The following LCLAT1 variants were observed in gnomAD, a reference collection of about 807,000 sequenced individuals.
LCLAT1 encodes the protein lysocardiolipin acyltransferase 1.
A neutral mutation model predicts 30.7 loss-of-function variants in LCLAT1; 11 were observed. That is an observed-to-expected ratio of 0.36 (90% CI 0.23 to 0.59). LCLAT1 has a LOEUF of 0.59. Ranked by LOEUF, LCLAT1 falls within the 20% of genes least tolerant of loss-of-function variation. The pLI is 0.77. For synonymous variants in LCLAT1, 155 were observed against 151.3 expected, an observed-to-expected ratio of 1.02 and a Z score of -0.18; for missense variants, 402 against 458.6, an observed-to-expected ratio of 0.88 and a Z score of 1.13.
chr2:30,451,077 T>C (rs1382365746), intron 1 of LCLAT1, among the ~76,000 whole-genome samples: 2 of 152,238 alleles, frequency 1.3e-5, no homozygotes, highest in Non-Finnish European at 2.9e-5. Flanking sequence ...GCACTGTCTA[T>C]TAGAGGGTCT....
chr2:30,517,373 C>T (rs757447334), intron 1 of LCLAT1, among the ~76,000 whole-genome samples: 20 of 152,272 alleles, frequency 1.3e-4, no homozygotes, highest in Middle Eastern at 6.8e-3. Flanking sequence ...AGGTGGGACC[C>T]GTTCCTCACC....
chr2:30,457,812 C>T lies in LCLAT1; in HGVS notation c.-5+10429C>T, dbSNP rs144884634. Among the ~76,000 whole-genome samples the T allele has an allele frequency of 2.6e-3, 396 of 152,184 alleles. 3 individuals are homozygous for T. The highest frequency in any genetic ancestry group is 8.0e-3 in the African/African-American group (333 of 41,512). On this transcript the variant is annotated intron_variant, in intron 1 of 5. Transcript: ENST00000379509. ...TGAGTTTGAATCCCATTTACTGTTGCGATTTGGGTCACGGAATTTTATTTT... is the reference window on the plus strand; with the variant it reads ...TGAGTTTGAATCCCATTTACTGTTGTGATTTGGGTCACGGAATTTTATTTT...
chr2:30,575,578 T>A (rs1343580327), intron 5 of LCLAT1, among the ~76,000 whole-genome samples: 1 of 152,160 alleles, frequency 6.6e-6, no homozygotes, highest in Non-Finnish European at 1.5e-5. Context: ...CTGAGGCAGA[T>A]GCACAGCAGG....
At chr2:30,518,094 C>T (rs1040547520) in intron 1 of LCLAT1, among the ~76,000 whole-genome samples, 6 of 152,192 alleles carry the variant, frequency 3.9e-5, no homozygotes, top group Admixed American at 6.5e-5. Context: ...GCATACCTCA[C>T]CAGTTCAGAA....
chr2:30,578,008 C>T (rs1223407664), intron 5 of LCLAT1, among the ~76,000 whole-genome samples: 1 of 151,948 alleles, frequency 6.6e-6, no homozygotes, highest in Non-Finnish European at 1.5e-5. Context: ...AACACTTTGC[C>T]TTTTTGAAAG....
At chr2:30,586,211 C>T (rs2148472377) in intron 5 of LCLAT1, among the ~76,000 whole-genome samples, 1 of 138,686 alleles carries the variant, frequency 7.2e-6, no homozygotes, top group South Asian at 2.3e-4. Context: ...CACTGCACTC[C>T]AGCCTGGGTG....
chr2:30,448,408 C>T (rs1286230016), intron 1 of LCLAT1, among the ~76,000 whole-genome samples: 5 of 152,134 alleles, frequency 3.3e-5, no homozygotes, highest in African/African-American at 4.8e-5. Context: ...GTTTAGGTTT[C>T]TGTTGCACAT....
At chr2:30,638,524 T>C (rs189304799) in intron 5 of LCLAT1, among the ~76,000 whole-genome samples, 1 of 152,318 alleles carries the variant, frequency 6.6e-6, no homozygotes, top group Non-Finnish European at 1.5e-5. Flanking sequence ...ATCAAAGTCC[T>C]CATCAAAAGT....
intron 3 of LCLAT1, among the ~76,000 whole-genome samples, chr2:30,556,021 C>T (rs1004740209): frequency 9.2e-5 from 14 of 151,864 alleles, no homozygotes; most frequent in Admixed American, 6.6e-5. Flanking sequence ...GTCTCAATCT[C>T]CTGACCTTGT....
chr2:30,575,707 C>A (rs1334647291), intron 5 of LCLAT1, among the ~76,000 whole-genome samples: 1 of 152,054 alleles, frequency 6.6e-6, no homozygotes, highest in Admixed American at 6.6e-5. Flanking sequence ...TTATTGGTAA[C>A]TTAAATGAAT....
intron 5 of LCLAT1, among the ~76,000 whole-genome samples, chr2:30,604,162 T>A (rs1359627879): frequency 6.6e-6 from 1 of 152,144 alleles, no homozygotes; most frequent in Non-Finnish European, 1.5e-5. Flanking sequence ...GTAATGAGTG[T>A]CATTTTGGGG....
At position 30,597,608 on chromosome 2, in the gene LCLAT1, C is replaced by T. The variant is rs147349119; in HGVS notation, c.628+29432C>T. Among the ~76,000 whole-genome samples, 1,061 of 152,268 alleles carry T rather than the reference C, an allele frequency of 7.0e-3. 11 individuals are homozygous for T. Among genetic ancestry groups the T allele is most frequent in the African/African-American group, 0.024 (1,007 of 41,552 alleles). On this transcript the variant is annotated intron_variant, in intron 5 of 5. Transcript: ENST00000379509. ...CTGCAAACAAAGACAATTTGGCTTC[C>T]TCTCTTCCTATGTAGATACCCTTTG... is the stretch of plus-strand genomic sequence containing the variant.
intron 1 of LCLAT1, among the ~76,000 whole-genome samples, chr2:30,494,662 G>T (rs1684012271): frequency 6.6e-6 from 1 of 151,290 alleles, no homozygotes; most frequent in Non-Finnish European, 1.5e-5. Flanking sequence ...CCTATAGTAG[G>T]CATTCTTTTA....
intron 3 of LCLAT1, among the ~76,000 whole-genome samples, chr2:30,553,883 C>G (rs1262152099): frequency 6.6e-6 from 1 of 151,546 alleles, no homozygotes; most frequent in Non-Finnish European, 1.5e-5. Flanking sequence ...CTATCATTAG[C>G]TCATAGAAAT....
chr2:30,531,169 G>A (rs1336103975), intron 2 of LCLAT1, among the ~76,000 whole-genome samples: 3 of 152,118 alleles, frequency 2.0e-5, no homozygotes, highest in African/African-American at 7.2e-5. Context: ...GGAGGCTGAG[G>A]CAGGAGAATC....
At chr2:30,530,668 C>T (rs976293455) in intron 2 of LCLAT1, among the ~76,000 whole-genome samples, 46 of 152,248 alleles carry the variant, frequency 3.0e-4, no homozygotes, top group African/African-American at 1.1e-3. Context: ...GCCTCAGCCT[C>T]CTGCGTAGCT....
chr2:30,605,503 G>A (rs1470243654), intron 5 of LCLAT1, among the ~76,000 whole-genome samples: 2 of 152,164 alleles, frequency 1.3e-5, no homozygotes, highest in Admixed American at 1.3e-4. Context: ...CTTTCTCTTT[G>A]TATTGCTGTT....
At chr2:30,482,291 GA>G (rs1396153840) in intron 1 of LCLAT1, among the ~76,000 whole-genome samples, 1 of 152,050 alleles carries the variant, frequency 6.6e-6, no homozygotes, top group African/African-American at 2.4e-5. Context: ...GTGTAGGTTA[GA>G]TTTTTTTTCC....
intron 5 of LCLAT1, among the ~76,000 whole-genome samples, chr2:30,585,322 A>G (rs1666386196): frequency 6.6e-6 from 1 of 152,190 alleles, no homozygotes; most frequent in Non-Finnish European, 1.5e-5. Flanking sequence ...TCATCTAAAT[A>G]TAGCAACTTT....
Sources: gnomAD v4.1 joint callset for allele counts (sites outside exome capture counted in the v4.1 genomes callset) on GRCh38, gnomAD v4.1.1 for gene constraint, MANE v1.5 for transcripts, NCBI Gene and HGNC (gene_info 2026-07-23, HGNC 2026-07-21) for gene names.